The following FOXP1 variants were observed in gnomAD, a reference collection of about 807,000 sequenced individuals.
FOXP1 encodes the protein forkhead box protein P1.
In FOXP1, 15 loss-of-function variants were observed where a neutral mutation model predicts 98.2. The observed-to-expected ratio is 0.15, with a 90% CI of 0.10 to 0.24. The LOEUF is 0.24. Among genes scored for constraint, FOXP1 ranks in the 10% least tolerant of loss-of-function variants. The pLI, the probability that FOXP1 is intolerant of heterozygous loss-of-function variation, is 1.00. For synonymous variants in FOXP1, 371 were observed against 314.5 expected (o/e 1.18, Z -1.90); for missense variants, 633 against 848.5 (o/e 0.75, Z 3.15).
rs115909030 is a variant in FOXP1, at chr3:71,302,144, G to C, written c.-72-2264C>G. 5.3e-3 allele frequency among the ~76,000 whole-genome samples: 807 copies of C among 152,228 alleles called. 5 individuals carry two copies. The highest frequency in any genetic ancestry group is 0.019 in the African/African-American group (774 of 41,538). ...CTGTTGATTTTCATTTTTAGAGAAG[G>C]TATAACATTAACAAAGTAATCTAAC... On this transcript the variant is annotated intron_variant, in intron 4 of 20. Coordinates refer to ENST00000649528, the MANE Select transcript of FOXP1 (RefSeq NM_001349338.3).
At chr3:71,518,488 CT>C (rs536107883) in intron 2 of FOXP1, among the ~76,000 whole-genome samples, 177 of 152,274 alleles carry the variant, frequency 1.2e-3, no homozygotes, top group Non-Finnish European at 2.2e-3. Context: ...CTTTTGGGCC[CT>C]TTTCTCCCTC....
At chr3:71,216,263 T>C (rs1402929959) in intron 5 of FOXP1, among the ~76,000 whole-genome samples, 1 of 152,242 alleles carries the variant, frequency 6.6e-6, no homozygotes, top group East Asian at 1.9e-4. Context: ...CTTTGCCTCA[T>C]TTCGCGTGAA....
intron 5 of FOXP1, among the ~76,000 whole-genome samples, chr3:71,282,185 C>T (rs2071642943): frequency 6.6e-6 from 1 of 152,036 alleles, no homozygotes; most frequent in South Asian, 2.1e-4. Flanking sequence ...TCTCTGGTGG[C>T]ACGTAAGAAA....
chr3:71,074,632 G>A (rs2053612693), intron 7 of FOXP1, among the ~76,000 whole-genome samples: 1 of 152,180 alleles, frequency 6.6e-6, no homozygotes, highest in Admixed American at 6.5e-5. Flanking sequence ...CTGGAGACTA[G>A]GCTTGGGGGT....
At chr3:71,348,926 C>T (rs182458834) in intron 4 of FOXP1, among the ~76,000 whole-genome samples, 13 of 152,238 alleles carry the variant, frequency 8.5e-5, no homozygotes, top group African/African-American at 3.1e-4. Flanking sequence ...GACAAGAGAC[C>T]GGACTACAGA....
At chr3:71,190,605 T>C (rs1161918157) in intron 6 of FOXP1, among the ~76,000 whole-genome samples, 2 of 133,456 alleles carry the variant, frequency 1.5e-5, no homozygotes, top group South Asian at 2.3e-4. Context: ...CTCTCTGTAC[T>C]CTAACCTGGG....
chr3:71,261,673 A>G (rs1348580681), intron 5 of FOXP1, among the ~76,000 whole-genome samples: 1 of 152,176 alleles, frequency 6.6e-6, no homozygotes, highest in Non-Finnish European at 1.5e-5. Flanking sequence ...TTGTGAAAAC[A>G]TTCGCACATT....
rs571742213 is a variant in FOXP1, at chr3:71,240,949, G to T, written c.-11-42557C>A. On this transcript the variant is annotated intron_variant, in intron 5 of 20. Coordinates refer to ENST00000649528, the MANE Select transcript of FOXP1 (RefSeq NM_001349338.3). ...ACCTTCGCTGGGCGCGGTTTCTCAC[G>T]CCTGTAATCCCAGCACTTTGGGAGG... 4.0e-5 allele frequency among the ~76,000 whole-genome samples: 6 copies of T among 151,776 alleles called. No individual in the cohort carries two copies. In the East Asian group the frequency reaches 9.9e-4, roughly 25 times the overall value.
chr3:71,578,573 CAAAT>C (rs1255902142), intron 2 of FOXP1, among the ~76,000 whole-genome samples: 1 of 152,050 alleles, frequency 6.6e-6, no homozygotes, highest in Non-Finnish European at 1.5e-5. Flanking sequence ...ACATGAAAAT[CAAAT>C]AAATATGCAC....
intron 1 of FOXP1, among the ~76,000 whole-genome samples, chr3:71,583,263 T>C (rs1459489330): frequency 4.0e-5 from 6 of 151,880 alleles, no homozygotes; most frequent in Non-Finnish European, 8.8e-5. Context: ...ATTTGACTTA[T>C]GCAAATAAAC....
chr3:71,370,789 T>C (rs993707338), intron 3 of FOXP1, among the ~76,000 whole-genome samples: 17 of 132,352 alleles, frequency 1.3e-4, no homozygotes, highest in South Asian at 2.5e-4. Context: ...CCCTAGAGTT[T>C]TTTTTGTTGT....
In FOXP1 at chr3:71,149,176, C is replaced by G. The variant is rs146745633; in HGVS notation, c.181-36539G>C. Reference sequence around the variant, plus strand: ...TGTAGTGGGAAAGAGAGTTTAAGTACGTTTAAGAAGTAAAGCAATAACAGG... The same window carrying G: ...TGTAGTGGGAAAGAGAGTTTAAGTAGGTTTAAGAAGTAAAGCAATAACAGG... On this transcript the variant is annotated intron_variant, in intron 6 of 20. Coordinates refer to ENST00000649528, the MANE Select transcript of FOXP1 (RefSeq NM_001349338.3). Among the ~76,000 whole-genome samples, 261 of 152,212 alleles carry G rather than the reference C, an allele frequency of 1.7e-3. 1 individual carries two copies. Among genetic ancestry groups the G allele is most frequent in the African/African-American group, 5.9e-3 (246 of 41,512 alleles).
intron 4 of FOXP1, among the ~76,000 whole-genome samples, chr3:71,330,641 G>T (rs2076234357): frequency 6.6e-6 from 1 of 152,178 alleles, no homozygotes; most frequent in African/African-American, 2.4e-5. Flanking sequence ...TAAGACATGA[G>T]TGCCCAATAA....
chr3:71,400,891 A>T (rs943367232), intron 3 of FOXP1, among the ~76,000 whole-genome samples: 1 of 152,174 alleles, frequency 6.6e-6, no homozygotes, highest in Admixed American at 6.5e-5. Context: ...GTAATACCCC[A>T]ATAATAAACA....
chr3:71,094,110 G>A (rs1414536489), intron 7 of FOXP1, among the ~76,000 whole-genome samples: 2 of 152,114 alleles, frequency 1.3e-5, no homozygotes, highest in African/African-American at 2.4e-5. Context: ...AAAGGCCAGA[G>A]AATAAATATT....
At position 70,979,917 on chromosome 3, in the gene FOXP1, C is replaced by T. The variant is rs147391244; in HGVS notation, c.1147-1888G>A. On this transcript the variant is annotated intron_variant, in intron 14 of 20. Transcript: ENST00000649528. ...TACTAATGGAAAAATGTAAACATGG[C>T]GCTGGAAACAGAATGTTGTGAGCTT... Among the ~76,000 whole-genome samples, 327 of 151,698 alleles carry T rather than the reference C, an allele frequency of 2.2e-3. 1 individual carries two copies. Among genetic ancestry groups the T allele is most frequent in the African/African-American group, 7.0e-3 (291 of 41,294 alleles).
chr3:71,267,345 C>T (rs1257536190), intron 5 of FOXP1, among the ~76,000 whole-genome samples: 3 of 152,006 alleles, frequency 2.0e-5, no homozygotes, highest in Admixed American at 6.6e-5. Flanking sequence ...AATAAGTATA[C>T]AGTAGATCCA....
chr3:71,369,181 C>A (rs905042451), intron 3 of FOXP1, among the ~76,000 whole-genome samples: 5 of 151,844 alleles, frequency 3.3e-5, no homozygotes, highest in Admixed American at 3.3e-4. Context: ...GAAGGTCAGG[C>A]GTTCGAGACC....
chr3:71,361,346 C>T (rs1298660577), intron 3 of FOXP1, among the ~76,000 whole-genome samples: 4 of 152,028 alleles, frequency 2.6e-5, no homozygotes, highest in African/African-American at 9.7e-5. Context: ...GTTCTGACAC[C>T]CCATGAGTTT....
Sources: allele counts gnomAD v4.1 joint callset (sites outside exome capture counted in the v4.1 genomes callset), GRCh38; gene constraint gnomAD v4.1.1; transcripts MANE v1.5; gene names NCBI Gene and HGNC (gene_info 2026-07-23, HGNC 2026-07-21).